The following CCDC88A variants were observed in gnomAD, a reference collection of about 807,000 sequenced individuals.
CCDC88A encodes the protein coiled-coil and HOOK domain protein 88A, also known as girdin.
A neutral mutation model predicts 234.3 loss-of-function variants in CCDC88A; 54 were observed. The observed-to-expected ratio is 0.23, with a 90% confidence interval of 0.19 to 0.29. The LOEUF is 0.29. Among genes scored for constraint, CCDC88A ranks in the 10% least tolerant of loss-of-function variants. The pLI is 1.00. For missense variants in CCDC88A, 1,832 were observed against 2,123.4 expected, an observed-to-expected ratio of 0.86 and a Z score of 2.70; for synonymous variants, 753 against 737.8, an observed-to-expected ratio of 1.02 and a Z score of -0.33.
chr2:55,312,237 A>G (rs1682437125), intron 23 of CCDC88A, among the ~76,000 whole-genome samples, 197 bp downstream of exon 23: 1 of 152,156 alleles, frequency 6.6e-6, no homozygotes, highest in African/African-American at 2.4e-5. Context: ...ACTTTAGACT[A>G]CTAATTCTTT....
At chr2:55,336,032 AAAAAT>A (rs1412336502) in intron 14 of CCDC88A, among the ~76,000 whole-genome samples, 2 of 151,956 alleles carry the variant, frequency 1.3e-5, no homozygotes, top group African/African-American at 4.8e-5. Context: ...GTCTCTACCA[AAAAAT>A]AAAAAAAAAA....
At chr2:55,295,043 T>C in intron 31 of CCDC88A, 1 of 1,251,214 alleles carries the variant, frequency 8.0e-7, no homozygotes, top group Non-Finnish European at 1.0e-6. Context: ...AACATCAATA[T>C]ATTATATTGT....
intron 3 of CCDC88A, among the ~76,000 whole-genome samples, chr2:55,385,115 C>T (rs1466073158): frequency 6.6e-6 from 1 of 152,018 alleles, no homozygotes; most frequent in African/African-American, 2.4e-5. Context: ...ATCACTGCCA[C>T]CCCCACCACT....
intron 7 of CCDC88A, among the ~76,000 whole-genome samples, chr2:55,358,614 C>T (rs1487503973): frequency 6.6e-6 from 1 of 152,168 alleles, no homozygotes; most frequent in Non-Finnish European, 1.5e-5. Flanking sequence ...ATGACCTCTC[C>T]TCCAATTTGC....
chr2:55,360,482 C>G (rs1485181921), intron 7 of CCDC88A, among the ~76,000 whole-genome samples: 3 of 152,184 alleles, frequency 2.0e-5, no homozygotes, highest in Non-Finnish European at 2.9e-5. Context: ...CTGGATATCT[C>G]TCCTCCACCC....
intron 18 of CCDC88A, chr2:55,321,260 T>C (rs1683598719): frequency 6.6e-6 from 1 of 152,008 alleles, no homozygotes; most frequent in Admixed American, 6.6e-5. Flanking sequence ...TGTTTAAAAA[T>C]AACCTAAATG....
intron 27 of CCDC88A, chr2:55,301,634 C>T (rs1357520169): frequency 3.0e-5 from 17 of 561,478 alleles, no homozygotes; most frequent in African/African-American, 9.4e-5. Context: ...GTTTACTTCT[C>T]GTTTTCTTGT....
chr2:55,333,975 A>G (rs1021990563), intron 15 of CCDC88A, 119 bp downstream of exon 15: 1 of 418,656 alleles, frequency 2.4e-6, no homozygotes, highest in Non-Finnish European at 4.3e-6. Context: ...TAATTCCAAA[A>G]TTCTACTGAA....
At chr2:55,321,943 C>T (rs1683686317) in intron 18 of CCDC88A, among the ~76,000 whole-genome samples, 1 of 150,626 alleles carries the variant, frequency 6.6e-6, no homozygotes, top group Non-Finnish European at 1.5e-5. Context: ...AAAACCACCA[C>T]CACAACTATT....
chr2:55,396,895 G>T (rs906129497), intron 2 of CCDC88A, among the ~76,000 whole-genome samples: 5 of 147,488 alleles, frequency 3.4e-5, no homozygotes, highest in Non-Finnish European at 7.5e-5. Flanking sequence ...AAAAAAAAGG[G>T]TTTCAGCAAT....
At chr2:55,304,128 G>T (rs567485061) in intron 25 of CCDC88A, among the ~76,000 whole-genome samples, 53 of 150,346 alleles carry the variant, frequency 3.5e-4, no homozygotes, top group African/African-American at 1.3e-3. Flanking sequence ...GGGCAACAGA[G>T]CGAGAACCCA....
intron 8 of CCDC88A, among the ~76,000 whole-genome samples, chr2:55,354,294 C>T (rs910835392): frequency 4.6e-5 from 7 of 151,772 alleles, no homozygotes; most frequent in Non-Finnish European, 1.0e-4. Flanking sequence ...CCACGCCTGG[C>T]TAATTTTTGT....
intron 5 of CCDC88A, among the ~76,000 whole-genome samples, chr2:55,366,534 T>TACACACACAC (rs201666406): frequency 1.3e-4 from 16 of 127,732 alleles, no homozygotes; most frequent in Admixed American, 3.3e-4. Context: ...CACACACACA[T>TACACACACAC]ACACACACAC....
intron 12 of CCDC88A, among the ~76,000 whole-genome samples, chr2:55,340,936 C>T (rs181530274): frequency 9.0e-4 from 137 of 152,092 alleles, no homozygotes; most frequent in Admixed American, 2.7e-3. Flanking sequence ...AATTTTGTGT[C>T]CTTTGACCAA....
intron 31 of CCDC88A, chr2:55,294,456 G>T (rs1679785676): frequency 1.2e-6 from 1 of 847,070 alleles, no homozygotes; most frequent in South Asian, 5.4e-5. Context: ...ATAAATATGG[G>T]TATTAGTTAA....
At chr2:55,333,706 T>C (rs565664052) in intron 15 of CCDC88A, among the ~76,000 whole-genome samples, 4 of 152,256 alleles carry the variant, frequency 2.6e-5, no homozygotes, top group African/African-American at 9.6e-5. Context: ...ATTATTTATG[T>C]ATATACAACT....
intron 22 of CCDC88A, chr2:55,313,743 C>G (rs142463672): frequency 6.6e-6 from 1 of 151,820 alleles, no homozygotes; most frequent in African/African-American, 2.4e-5. Flanking sequence ...GGCCGCCCCC[C>G]GCAAAAAATA....
chr2:55,412,358 T>C (rs1195188763), intron 2 of CCDC88A, among the ~76,000 whole-genome samples: 1 of 152,180 alleles, frequency 6.6e-6, no homozygotes, highest in Non-Finnish European at 1.5e-5. Context: ...AGGGGAAGGA[T>C]AGTCTAGAGC....
At position 55,290,910 on chromosome 2, in the gene CCDC88A, A is replaced by C. The variant is rs1679396691; in HGVS notation, c.*290T>G. ...TAAAACACCTGGTCCTTAGTGAGAG[A>C]ACGTCCTTTATTCAGTAGATCTTAA... On this transcript the variant is annotated 3_prime_UTR_variant, in exon 33 of 33. Coordinates refer to ENST00000436346, the MANE Select transcript of CCDC88A (RefSeq NM_001365480.1). 6.6e-6 allele frequency: 1 copy of C among 152,554 alleles called. No homozygotes were observed. The highest frequency in any genetic ancestry group is 2.4e-5 in the African/African-American group (1 of 41,452). The allele number at this position is 152,554 out of a possible 1,614,324, so 9.5% of individuals were successfully genotyped here. A position where few individuals can be genotyped will look rare whatever the true frequency, so the allele number is the denominator to read the frequency against.
Sources: allele counts gnomAD v4.1 joint callset (sites outside exome capture counted in the v4.1 genomes callset), GRCh38; gene constraint gnomAD v4.1.1; transcripts MANE v1.5; gene names NCBI Gene and HGNC (gene_info 2026-07-23, HGNC 2026-07-21).